SIPA1L1: variants seen among roughly 807,000 people sequenced by gnomAD.
SIPA1L1 encodes the protein signal-induced proliferation-associated 1-like protein 1.
A neutral mutation model predicts 162.7 loss-of-function variants in SIPA1L1; 26 were observed. That is an observed-to-expected ratio of 0.16 (90% CI 0.12 to 0.22). SIPA1L1 has a LOEUF of 0.22. Ranked by LOEUF, SIPA1L1 falls within the 10% of genes least tolerant of loss-of-function variation. The pLI is 1.00. For missense variants in SIPA1L1, 1,874 were observed against 2,241.0 expected (o/e 0.84, Z 3.31); for synonymous variants, 829 against 837.4 (o/e 0.99, Z 0.17).
At chr14:71,384,716 C>T (rs2040179935) in intron 2 of SIPA1L1, among the ~76,000 whole-genome samples, 1 of 152,008 alleles carries the variant, frequency 6.6e-6, no homozygotes, top group African/African-American at 2.4e-5. Context: ...AAATATGGGC[C>T]CATTTGGTCT....
chr14:71,702,094 A>G (rs1156289280), intron 14 of SIPA1L1, among the ~76,000 whole-genome samples: 2 of 152,232 alleles, frequency 1.3e-5, no homozygotes, highest in African/African-American at 4.8e-5. Flanking sequence ...TTGGTTTCTT[A>G]TACTACATAC....
intron 2 of SIPA1L1, among the ~76,000 whole-genome samples, chr14:71,486,357 G>A (rs1567091133): frequency 6.6e-6 from 1 of 152,350 alleles, no homozygotes; most frequent in South Asian, 2.1e-4. Context: ...AGCCTTTTGG[G>A]TGTAAGGCCT....
chr14:71,466,318 C>T (rs1041247885), intron 2 of SIPA1L1, among the ~76,000 whole-genome samples: 1 of 152,138 alleles, frequency 6.6e-6, no homozygotes, highest in African/African-American at 2.4e-5. Context: ...TTTGGCAGAG[C>T]AAACGAACAC....
At chr14:71,352,054 A>T (rs757724038) in intron 2 of SIPA1L1, among the ~76,000 whole-genome samples, 2 of 151,650 alleles carry the variant, frequency 1.3e-5, no homozygotes, top group African/African-American at 2.4e-5. Flanking sequence ...AAACAGTGAG[A>T]CTGGTGGAAA....
chr14:71,702,540 T>A, intron 15 of SIPA1L1, 35 bp downstream of exon 15: 1 of 1,605,516 alleles, frequency 6.2e-7, no homozygotes, highest in Non-Finnish European at 8.5e-7. Flanking sequence ...GAAAGTTGCT[T>A]TTACAAGGTG....
chr14:71,486,486 C>A (rs1394516959), intron 2 of SIPA1L1, among the ~76,000 whole-genome samples: 1 of 152,192 alleles, frequency 6.6e-6, no homozygotes, highest in East Asian at 1.9e-4. Flanking sequence ...AACTCCTTGG[C>A]CACTGCTATC....
At chr14:71,329,461 G>T (rs2034251443) in intron 2 of SIPA1L1, among the ~76,000 whole-genome samples, 1 of 146,978 alleles carries the variant, frequency 6.8e-6, no homozygotes, top group Admixed American at 6.8e-5. Flanking sequence ...AATTTTTCGA[G>T]ACAGGGTCTC....
intron 2 of SIPA1L1, among the ~76,000 whole-genome samples, chr14:71,394,068 A>G (rs1327447762): frequency 1.3e-5 from 2 of 152,212 alleles, no homozygotes; most frequent in African/African-American, 4.8e-5. Flanking sequence ...TATCTTCAGA[A>G]AGCTTCTTGG....
intron 5 of SIPA1L1, among the ~76,000 whole-genome samples, chr14:71,600,619 A>G (rs569050017): frequency 1.3e-5 from 2 of 151,970 alleles, no homozygotes; most frequent in Non-Finnish European, 2.9e-5. Context: ...TGTTTTTTCT[A>G]TTTCTGCAAA....
At chr14:71,571,057 A>C (rs1473240634) in intron 4 of SIPA1L1, among the ~76,000 whole-genome samples, 1 of 152,198 alleles carries the variant, frequency 6.6e-6, no homozygotes, top group Non-Finnish European at 1.5e-5. Context: ...GGCCTTCCAA[A>C]GTGCTGGGAT....
At chr14:71,734,556 A>G (rs2085109945) in intron 21 of SIPA1L1, among the ~76,000 whole-genome samples, 1 of 152,186 alleles carries the variant, frequency 6.6e-6, no homozygotes, top group Non-Finnish European at 1.5e-5. Flanking sequence ...AATTAGGAGA[A>G]TTGAAAATTG....
At chr14:71,532,018 T>C (rs188030886) in intron 4 of SIPA1L1, among the ~76,000 whole-genome samples, 36 of 152,218 alleles carry the variant, frequency 2.4e-4, no homozygotes, top group Non-Finnish European at 3.8e-4. Context: ...AATTTCTGTT[T>C]TGTTTTTTTT....
intron 10 of SIPA1L1, among the ~76,000 whole-genome samples, chr14:71,666,786 T>A (rs889254678): frequency 6.6e-6 from 1 of 151,040 alleles, no homozygotes; most frequent in African/African-American, 2.4e-5. Flanking sequence ...TAAAATCCTA[T>A]TAAGTAAAAT....
intron 4 of SIPA1L1, among the ~76,000 whole-genome samples, chr14:71,552,291 G>A (rs1768860775): frequency 6.6e-6 from 1 of 151,954 alleles, no homozygotes; most frequent in Admixed American, 6.6e-5. Flanking sequence ...ACCACAAAAG[G>A]TACAGAATAT....
intron 2 of SIPA1L1, among the ~76,000 whole-genome samples, chr14:71,329,310 A>AT (rs1309197691): frequency 2.0e-5 from 3 of 151,796 alleles, no homozygotes; most frequent in Non-Finnish European, 4.4e-5. Context: ...TTTATTTTTA[A>AT]TTTTTTGAGG....
chr14:71,479,613 G>T (rs1265948384), intron 2 of SIPA1L1, among the ~76,000 whole-genome samples: 1 of 151,702 alleles, frequency 6.6e-6, no homozygotes, highest in Non-Finnish European at 1.5e-5. Context: ...TCACTATATT[G>T]CCCTGGCTGC....
At chr14:71,612,000 T>G (rs2038280056) in intron 5 of SIPA1L1, among the ~76,000 whole-genome samples, 1 of 152,208 alleles carries the variant, frequency 6.6e-6, no homozygotes. Context: ...ATAGTTTAAA[T>G]GTTAAAAATG....
At chr14:71,472,573 C>G (rs1323194869) in intron 2 of SIPA1L1, among the ~76,000 whole-genome samples, 1 of 151,952 alleles carries the variant, frequency 6.6e-6, no homozygotes, top group Non-Finnish European at 1.5e-5. Context: ...ATAAGAATGA[C>G]TAGACTAACA....
chr14:71,357,830 C>T (rs1191767735), intron 2 of SIPA1L1, among the ~76,000 whole-genome samples: 2 of 152,190 alleles, frequency 1.3e-5, no homozygotes, highest in Non-Finnish European at 2.9e-5. Flanking sequence ...TGGGCTCAAG[C>T]AATTCTTGTG....
Sources: gnomAD v4.1 joint callset for allele counts (sites outside exome capture counted in the v4.1 genomes callset) on GRCh38, gnomAD v4.1.1 for gene constraint, MANE v1.5 for transcripts, NCBI Gene and HGNC (gene_info 2026-07-23, HGNC 2026-07-21) for gene names.